Variants in MDFIC2 observed in about 807,000 individuals in gnomAD.
MDFIC2 encodes the protein MyoD family inhibitor domain containing 2.
chr3:70,230,773 A>G (rs1455811809), intron 2 of MDFIC2, among the ~76,000 whole-genome samples: 1 of 152,182 alleles, frequency 6.6e-6, no homozygotes, highest in East Asian at 1.9e-4. Flanking sequence ...TTTAAAGGCA[A>G]TGCTTCATGG....
chr3:70,310,500 G>A (rs1041463704), intron 2 of MDFIC2, among the ~76,000 whole-genome samples: 5 of 151,862 alleles, frequency 3.3e-5, no homozygotes, highest in South Asian at 2.1e-4. Context: ...TGAGTAGCTG[G>A]GACTACAGGG....
chr3:70,245,130 T>C (rs1416413127), intron 2 of MDFIC2, among the ~76,000 whole-genome samples: 2 of 152,166 alleles, frequency 1.3e-5, no homozygotes, highest in Admixed American at 1.3e-4. Context: ...TTAATAGCTA[T>C]TTTAAATCAT....
chr3:70,299,735 ATCC>A (rs1254738241), intron 2 of MDFIC2, among the ~76,000 whole-genome samples: 5 of 152,198 alleles, frequency 3.3e-5, no homozygotes, highest in Admixed American at 1.3e-4. Flanking sequence ...TCTTCGTAAT[ATCC>A]TCAACTCACA....
At chr3:70,284,275 C>T (rs532694426) in intron 2 of MDFIC2, among the ~76,000 whole-genome samples, 9 of 152,112 alleles carry the variant, frequency 5.9e-5, no homozygotes, top group African/African-American at 1.2e-4. Context: ...CTAATCCCTA[C>T]GATTTATTTC....
intron 2 of MDFIC2, among the ~76,000 whole-genome samples, chr3:70,266,082 C>A (rs2106666188): frequency 6.6e-6 from 1 of 152,138 alleles, no homozygotes; most frequent in East Asian, 1.9e-4. Context: ...GTCTTTTGAG[C>A]CAAGTTTATT....
chr3:70,234,767 C>G (rs1239894316), intron 2 of MDFIC2, among the ~76,000 whole-genome samples: 2 of 152,284 alleles, frequency 1.3e-5, no homozygotes, highest in African/African-American at 4.8e-5. Flanking sequence ...TCTATTTCGT[C>G]CCTCACTTCT....
rs560058919 is a variant in MDFIC2 at position 70,307,504 on chromosome 3, T to TC, written c.88+4381dup. Among the ~76,000 whole-genome samples, 363 of 151,622 alleles carry TC rather than the reference T, an allele frequency of 2.4e-3. 2 individuals carry two copies. Among genetic ancestry groups the TC allele is most frequent in the African/African-American group, 6.3e-3 (261 of 41,302 alleles). On this transcript the variant is annotated intron_variant, in intron 2 of 3. Coordinates refer to ENST00000567252, the MANE Select transcript of MDFIC2 (RefSeq NM_001364677.1). ...CTGACATCCTATTCCACCTGTAATT[T>TC]CCCCCCCCAATTTCTATGTTATAAC...
intron 2 of MDFIC2, among the ~76,000 whole-genome samples, chr3:70,289,850 A>T (rs1346547583): frequency 6.6e-6 from 1 of 151,966 alleles, no homozygotes; most frequent in Non-Finnish European, 1.5e-5. Context: ...AGTTGATTGC[A>T]TCGGCTCCTG....
intron 2 of MDFIC2, among the ~76,000 whole-genome samples, chr3:70,237,656 A>G (rs1701623192): frequency 1.3e-5 from 2 of 152,234 alleles, no homozygotes; most frequent in Non-Finnish European, 2.9e-5. Context: ...TATTGCCTAA[A>G]TAGGGAAAAG....
chr3:70,279,463 C>T (rs1051718862), intron 2 of MDFIC2, among the ~76,000 whole-genome samples: 1 of 152,072 alleles, frequency 6.6e-6, no homozygotes, highest in Non-Finnish European at 1.5e-5. Flanking sequence ...GTCATTTTCT[C>T]TTCATCCCCT....
At chr3:70,252,072 T>C (rs80025380) in intron 2 of MDFIC2, among the ~76,000 whole-genome samples, 15,966 of 152,208 alleles carry the variant, frequency 0.1, 1,002 homozygotes, top group East Asian at 0.22. Context: ...TATTATTAAG[T>C]CTTTCAATTC....
intron 2 of MDFIC2, among the ~76,000 whole-genome samples, chr3:70,308,749 A>G (rs1702428154): frequency 6.6e-6 from 1 of 152,132 alleles, no homozygotes; most frequent in African/African-American, 2.4e-5. Flanking sequence ...GAGTTGGATA[A>G]ATGATATGAA....
In MDFIC2 at chr3:70,268,810, TAC is replaced by T. The variant is rs534697972; in HGVS notation, c.88+43074_88+43075del. ...GCATCATAAATATTTTTCCTTCATC[TAC>T]AAAACAAACTATTCTTACTAAATAT... is the stretch of plus-strand genomic sequence containing the variant. On this transcript the variant is annotated intron_variant, in intron 2 of 3. Transcript: ENST00000567252. Among the ~76,000 whole-genome samples, 42 of 152,330 alleles carry T rather than the reference TAC, an allele frequency of 2.8e-4. No individual in the cohort carries two copies. The South Asian group carries it at 5.8e-3, about 21-fold the overall frequency.
At chr3:70,206,162 T>C (rs1281000502) in intron 3 of MDFIC2, among the ~76,000 whole-genome samples, 1 of 152,086 alleles carries the variant, frequency 6.6e-6, no homozygotes, top group Non-Finnish European at 1.5e-5. Context: ...CTTAATTTTT[T>C]ATGCTGTCTA....
intron 2 of MDFIC2, among the ~76,000 whole-genome samples, chr3:70,277,828 G>T (rs1244418393): frequency 6.6e-6 from 1 of 152,076 alleles, no homozygotes; most frequent in African/African-American, 2.4e-5. Flanking sequence ...AGATCTATGT[G>T]CCAGGTACAG....
intron 2 of MDFIC2, among the ~76,000 whole-genome samples, chr3:70,247,734 T>G (rs888042893): frequency 2.0e-5 from 3 of 151,818 alleles, no homozygotes; most frequent in Non-Finnish European, 4.4e-5. Flanking sequence ...CAATGCAATA[T>G]AAAGCAAGTG....
chr3:70,198,629 T>C (rs1701205063), intron 3 of MDFIC2, among the ~76,000 whole-genome samples: 1 of 152,198 alleles, frequency 6.6e-6, no homozygotes, highest in Admixed American at 6.5e-5. Flanking sequence ...CCTTCCTTTC[T>C]TCCCAGAAAG....
At chr3:70,223,697 C>A (rs1028916178) in intron 2 of MDFIC2, among the ~76,000 whole-genome samples, 4 of 152,120 alleles carry the variant, frequency 2.6e-5, no homozygotes, top group African/African-American at 9.7e-5. Flanking sequence ...CAAGTTATTT[C>A]CCAGTTTTAA....
intron 2 of MDFIC2, among the ~76,000 whole-genome samples, chr3:70,310,629 G>A (rs947228366): frequency 2.6e-5 from 4 of 152,050 alleles, no homozygotes; most frequent in African/African-American, 7.2e-5. Context: ...GCCTCCCAAA[G>A]TGCTGGGATT....
Sources: gnomAD v4.1 joint callset for allele counts (sites outside exome capture counted in the v4.1 genomes callset) on GRCh38, gnomAD v4.1.1 for gene constraint, MANE v1.5 for transcripts, NCBI Gene and HGNC (gene_info 2026-07-23, HGNC 2026-07-21) for gene names.